PLSCR4: variants seen among roughly 807,000 people sequenced by gnomAD.
The protein encoded by PLSCR4 is phospholipid scramblase 4, also known as Ca(2+)-dependent phospholipid scramblase 4.
Under a neutral mutation model 36.3 loss-of-function variants are expected in PLSCR4, and 25 were observed. That is an observed-to-expected ratio of 0.69 (90% CI 0.50 to 0.96). The LOEUF is 0.96. Ranked by LOEUF, PLSCR4 falls within the 40% of genes least tolerant of loss-of-function variation. The pLI, the probability that PLSCR4 is intolerant of heterozygous loss-of-function variation, is 0.00. For missense variants in PLSCR4, 408 were observed against 414.7 expected, an observed-to-expected ratio of 0.98 and a Z score of 0.14; for synonymous variants, 122 against 132.9, an observed-to-expected ratio of 0.92 and a Z score of 0.56.
chr3:146,228,751 A>G (rs957519594), intron 1 of PLSCR4, among the ~76,000 whole-genome samples: 1 of 152,178 alleles, frequency 6.6e-6, no homozygotes, highest in Non-Finnish European at 1.5e-5. Flanking sequence ...TTGTACTACA[A>G]AAATTGAGTA....
At chr3:146,229,174 G>A (rs1264518388) in intron 1 of PLSCR4, among the ~76,000 whole-genome samples, 1 of 152,180 alleles carries the variant, frequency 6.6e-6, no homozygotes, top group African/African-American at 2.4e-5. Context: ...CTTGGAATTT[G>A]CAAGTAATAG....
At chr3:146,206,287 C>T (rs993433192) in intron 4 of PLSCR4, among the ~76,000 whole-genome samples, 1 of 152,042 alleles carries the variant, frequency 6.6e-6, no homozygotes, top group Non-Finnish European at 1.5e-5. Flanking sequence ...ATCTTGAATG[C>T]CTTGAAGTTC....
At chr3:146,225,528 G>T (rs879444100) in intron 1 of PLSCR4, among the ~76,000 whole-genome samples, 7 of 152,192 alleles carry the variant, frequency 4.6e-5, no homozygotes, top group Middle Eastern at 3.2e-3. Context: ...GCCCATGGAG[G>T]GGGTGGGAGG....
intron 1 of PLSCR4, among the ~76,000 whole-genome samples, chr3:146,235,128 G>T (rs945311217): frequency 1.3e-5 from 2 of 152,126 alleles, no homozygotes; most frequent in African/African-American, 4.8e-5. Flanking sequence ...AACCTCCACT[G>T]ATGTGGAAAA....
intron 1 of PLSCR4, among the ~76,000 whole-genome samples, chr3:146,236,183 G>A (rs2035907526): frequency 6.6e-6 from 1 of 152,080 alleles, no homozygotes; most frequent in Non-Finnish European, 1.5e-5. Context: ...CCAAGACAAT[G>A]GGAAAAAATG....
chr3:146,203,250 C>A (rs1320440432), intron 4 of PLSCR4, among the ~76,000 whole-genome samples: 1 of 151,934 alleles, frequency 6.6e-6, no homozygotes, highest in African/African-American at 2.4e-5. Flanking sequence ...TACTTTGACC[C>A]ATGGGCTGCA....
rs1414493673 is a variant in PLSCR4, at chr3:146,200,052, ATGAG to A, written c.398-17_398-14del. The A allele has an allele frequency of 1.4e-6, 2 of 1,422,882 alleles. No homozygotes were observed. Among genetic ancestry groups the A allele is most frequent in the Non-Finnish European group, 2.0e-6 (2 of 1,010,496 alleles). The allele number at this position is 1,422,882 out of a possible 1,614,324, so 88.1% of individuals were successfully genotyped here. On this transcript the variant is annotated splice_polypyrimidine_tract_variant and intron_variant, in intron 5 of 8. Transcript: ENST00000354952. Reference sequence around the variant, plus strand: ...AAACATGTCATCACTAAAAAATAAAATGAGTAAGTCTATATTAGAAACATTTAAA... The same window carrying A: ...AAACATGTCATCACTAAAAAATAAAATAAGTCTATATTAGAAACATTTAAA...
At chr3:146,230,084 G>A (rs1215098550) in intron 1 of PLSCR4, among the ~76,000 whole-genome samples, 3 of 152,154 alleles carry the variant, frequency 2.0e-5, no homozygotes, top group African/African-American at 7.2e-5. Context: ...CCTCAAACCT[G>A]TCTGAAGTGA....
At chr3:146,234,534 A>G (rs116391063) in intron 1 of PLSCR4, among the ~76,000 whole-genome samples, 2,559 of 152,268 alleles carry the variant, frequency 0.017, 77 homozygotes, top group African/African-American at 0.058. Context: ...AGAATGGGGT[A>G]CACCCTGTTC....
At chr3:146,196,522 C>G in intron 7 of PLSCR4, 110 bp downstream of exon 7, 1 of 989,004 alleles carries the variant, frequency 1.0e-6, no homozygotes, top group East Asian at 2.4e-5. Context: ...TCTTTCCTAA[C>G]ACTATGTTAT....
At chr3:146,235,426 T>C (rs2035875015) in intron 1 of PLSCR4, among the ~76,000 whole-genome samples, 1 of 152,174 alleles carries the variant, frequency 6.6e-6, no homozygotes, top group African/African-American at 2.4e-5. Context: ...GTAAGTTTCC[T>C]GAGGCCTCCC....
intron 3 of PLSCR4, among the ~76,000 whole-genome samples, chr3:146,207,272 C>T (rs908322524): frequency 5.3e-5 from 8 of 152,228 alleles, no homozygotes; most frequent in African/African-American, 1.2e-4. Flanking sequence ...TTGACCCAAT[C>T]GCTTGTACAT....
At position 146,206,688 on chromosome 3, in the gene PLSCR4, C is replaced by T; in HGVS notation, c.192G>A (p.Gln64=). The change falls in exon 4 of 9, where the codon CAG becomes CAA. Residue 64 remains glutamine, a synonymous_variant. Coordinates refer to ENST00000354952, the MANE Select transcript of PLSCR4 (RefSeq NM_020353.3). ...GGTACAAAGGGAAGGTACTGGGTTGCTGTGGACTGTAGTATCCCATAGGCA... is the reference window on the plus strand; with the variant it reads ...GGTACAAAGGGAAGGTACTGGGTTGTTGTGGACTGTAGTATCCCATAGGCA... The part of the protein sequence containing the change: ...GGLPMGYYSP[Q]QPSTFPLYQP... 1.9e-6 allele frequency: 3 copies of T among 1,612,708 alleles called. No homozygotes were observed. Among genetic ancestry groups the T allele is most frequent in the South Asian group, 1.1e-5 (1 of 91,006 alleles).
chr3:146,195,097 A>G (rs1315543551), intron 8 of PLSCR4, 27 bp downstream of exon 8: 1 of 1,607,036 alleles, frequency 6.2e-7, no homozygotes, highest in Non-Finnish European at 8.5e-7. Context: ...CAACTCTCTC[A>G]GGATAACTCA....
intron 3 of PLSCR4, among the ~76,000 whole-genome samples, chr3:146,217,286 A>T (rs1211093009): frequency 6.6e-6 from 1 of 152,232 alleles, no homozygotes; most frequent in African/African-American, 2.4e-5. Flanking sequence ...ACTACGATAT[A>T]GATGCTAACA....
intron 3 of PLSCR4, among the ~76,000 whole-genome samples, chr3:146,213,110 C>T (rs1466512377): frequency 6.6e-6 from 1 of 151,990 alleles, no homozygotes; most frequent in Non-Finnish European, 1.5e-5. Context: ...TTTTTATGTT[C>T]CTAAATCTGG....
chr3:146,224,176 T>C (rs928713254), intron 1 of PLSCR4, among the ~76,000 whole-genome samples: 1 of 152,082 alleles, frequency 6.6e-6, no homozygotes, highest in Non-Finnish European at 1.5e-5. Flanking sequence ...AAGAATGTTC[T>C]TGATAACACT....
chr3:146,211,079 T>C lies in PLSCR4; in HGVS notation c.119-4318A>G, dbSNP rs185527594. Among the ~76,000 whole-genome samples, 65 of 152,196 alleles carry C rather than the reference T, an allele frequency of 4.3e-4. 1 individual carries two copies. The East Asian group carries it at 0.012, about 27-fold the overall frequency. ...TAGTGTGGACATGTTTTCAGTTCTC[T>C]AGCTATGAGTGAAATTAGCTGAAAT... On this transcript the variant is annotated intron_variant, in intron 3 of 8. Coordinates refer to ENST00000354952, the MANE Select transcript of PLSCR4 (RefSeq NM_020353.3).
rs1395979086 is a variant in PLSCR4 at position 146,199,929 on chromosome 3, T to C, written c.508A>G (p.Thr170Ala). 1 of 1,613,580 alleles carries C rather than the reference T, an allele frequency of 6.2e-7. No individual in the cohort carries two copies. Among genetic ancestry groups the C allele is most frequent in the Non-Finnish European group, 8.5e-7 (1 of 1,179,720 alleles). The change falls in exon 6 of 9, where the codon ACA (threonine) becomes GCA (alanine). Residue 170 changes from threonine to alanine, a missense_variant. Coordinates refer to ENST00000354952, the MANE Select transcript of PLSCR4 (RefSeq NM_020353.3). ...ACCCGGAGGACGAAGGGCCTTAGTG[T>C]CCGATAGGCATTCCTGGTAAAGTCA... Reference protein sequence around the residue: ...TDDFTRNAYRTLRPFVLRVTD... With the variant: ...TDDFTRNAYRALRPFVLRVTD...
Sources: gnomAD v4.1 joint callset for allele counts (sites outside exome capture counted in the v4.1 genomes callset) on GRCh38, gnomAD v4.1.1 for gene constraint, MANE v1.5 for transcripts, NCBI Gene and HGNC (gene_info 2026-07-23, HGNC 2026-07-21) for gene names.